The following HSPG2 variants were observed in gnomAD, a reference collection of about 807,000 sequenced individuals.
HSPG2 encodes the protein heparan sulfate proteoglycan 2, also known as basement membrane-specific heparan sulfate proteoglycan core protein.
In HSPG2, 278 loss-of-function variants were observed where a neutral mutation model predicts 526.6. That is an observed-to-expected ratio of 0.53 (90% CI 0.48 to 0.58). HSPG2 has a LOEUF of 0.58. Among genes scored for constraint, HSPG2 ranks in the 20% least tolerant of loss-of-function variants. HSPG2 has a pLI of 0.00. For synonymous variants in HSPG2, 2,465 were observed against 2,555.4 expected (o/e 0.96, Z 1.07); for missense variants, 5,354 against 6,099.5 (o/e 0.88, Z 4.07).
At chr1:21,852,256 G>GA (rs781560130) in intron 52 of HSPG2, 23 bp from the exon 53 acceptor site, 2 of 1,613,630 alleles carry the variant, frequency 1.2e-6, no homozygotes, top group Non-Finnish European at 1.7e-6. Context: ...GGATGGGAGT[G>GA]AGAGTTGTAG....
At chr1:21,844,335 C>T in intron 64 of HSPG2, 36 bp from the exon 65 acceptor site, 3 of 1,594,772 alleles carry the variant, frequency 1.9e-6, no homozygotes, top group Non-Finnish European at 2.6e-6. Context: ...AGCTGAGATG[C>T]CACCCTGATG....
chr1:21,876,159 C>G, intron 23 of HSPG2, 70 bp downstream of exon 23: 1 of 1,564,418 alleles, frequency 6.4e-7, no homozygotes, highest in Non-Finnish European at 8.7e-7. Context: ...ACGACCCTCC[C>G]GCCTCCAAGC....
chr1:21,832,002 G>C (rs2098006459), intron 81 of HSPG2, among the ~76,000 whole-genome samples: 1 of 152,060 alleles, frequency 6.6e-6, no homozygotes, highest in Non-Finnish European at 1.5e-5. Context: ...ACATCCTTTT[G>C]CTGGGAGCTT....
At chr1:21,919,300 C>A (rs1480059537) in intron 1 of HSPG2, among the ~76,000 whole-genome samples, 8 of 152,044 alleles carry the variant, frequency 5.3e-5, no homozygotes, top group Non-Finnish European at 1.0e-4. Context: ...GTGGTGTGCA[C>A]CTGTAATCCC....
chr1:21,891,185 C>T (rs1010498947), intron 3 of HSPG2, among the ~76,000 whole-genome samples: 3 of 152,226 alleles, frequency 2.0e-5, no homozygotes, highest in African/African-American at 7.2e-5. Flanking sequence ...GCCCTGCTTT[C>T]CCTAGCAGAG....
intron 67 of HSPG2, 84 bp from the exon 68 acceptor site, chr1:21,842,464 A>T: frequency 1.4e-6 from 2 of 1,435,506 alleles, no homozygotes; most frequent in Non-Finnish European, 1.8e-6. Flanking sequence ...CCGGTACCCA[A>T]GAGTTCTCTC....
chr1:21,884,759 G>C lies in HSPG2; in HGVS notation c.1507+8C>G. 2 of 1,613,216 alleles carry C rather than the reference G, an allele frequency of 1.2e-6. No homozygotes were observed. Among genetic ancestry groups the C allele is most frequent in the Middle Eastern group, 1.6e-4 (1 of 6,062 alleles). On this transcript the variant is annotated splice_region_variant and intron_variant, in intron 12 of 96. Transcript: ENST00000374695. ...CCACACCCGGTGACACCTGCCCTCC[G>C]GCAGTACCTCGTTGTGGGACGAGCT... is the stretch of plus-strand genomic sequence containing the variant.
chr1:21,934,360 A>G (rs1644425793), intron 1 of HSPG2, among the ~76,000 whole-genome samples: 1 of 152,220 alleles, frequency 6.6e-6, no homozygotes, highest in East Asian at 1.9e-4. Context: ...TTGACTTGCA[A>G]CAAACTCCTC....
Position 21,872,590 on chromosome 1 carries a change from C to T in HSPG2, c.4029+30G>A, listed in dbSNP as rs376266490. Reference sequence around the variant, plus strand: ...AGTAACAGGCAGCAGGTGGCAACACCGCCTGGGGCTGGGCAGCACAGGCTC... The same window carrying T: ...AGTAACAGGCAGCAGGTGGCAACACTGCCTGGGGCTGGGCAGCACAGGCTC... On this transcript the variant is annotated intron_variant, in intron 32 of 96. Transcript: ENST00000374695. The surrounding 1 kb of genome is among the most constrained non-coding windows in gnomAD (Gnocchi z 5.5). 7.0e-6 allele frequency: 11 copies of T among 1,567,364 alleles called. No individual in the cohort carries two copies. Among genetic ancestry groups the T allele is most frequent in the South Asian group, 1.2e-5 (1 of 85,304 alleles).
At chr1:21,836,712 T>A in intron 75 of HSPG2, 90 bp downstream of exon 75, 1 of 1,122,744 alleles carries the variant, frequency 8.9e-7, no homozygotes, top group Non-Finnish European at 1.3e-6. Flanking sequence ...TGCTTCATGT[T>A]GCGCCCCCTG....
chr1:21,839,263 G>T lies in HSPG2; in HGVS notation c.9889+108C>A. 2 of 1,470,758 alleles carry T rather than the reference G, an allele frequency of 1.4e-6. No individual in the cohort carries two copies. Among genetic ancestry groups the T allele is most frequent in the Non-Finnish European group, 1.9e-6 (2 of 1,064,644 alleles). 91.1% of individuals were successfully genotyped at this position (1,470,758 alleles called of 1,614,324 possible). On this transcript the variant is annotated intron_variant, in intron 73 of 96. Transcript: ENST00000374695. This position sits in a 1 kb window ranked among gnomAD's most constrained non-coding sequence, Gnocchi z 4.5. ...GCAGGGCAGGCTCCAGGACCCTGCA[G>T]CGCCTGGAGACCTCTGGATGGGGTT...
intron 1 of HSPG2, among the ~76,000 whole-genome samples, chr1:21,909,567 C>T (rs1643554914): frequency 1.3e-5 from 2 of 152,378 alleles, no homozygotes; most frequent in South Asian, 4.1e-4. Flanking sequence ...GTCTGGCACC[C>T]TTCTCTGCCT....
Position 21,850,173 on chromosome 1 carries a change from C to G in HSPG2, c.7314G>C (p.Thr2438=). Residue 2438 remains threonine, a synonymous_variant, in exon 57 of 97, where the codon ACG becomes ACC. Coordinates refer to ENST00000374695, the MANE Select transcript of HSPG2 (RefSeq NM_005529.7). ...GSVPALGVTP[T]VRIESSSSQV... The stretch of plus-strand genomic sequence containing the variant: ...GCGAAGACGATGACTCGATCCGGAC[C>G]GTGGGGGTGACCCCAAGTGCTGGGG... 1 of 1,613,364 alleles carries G rather than the reference C, an allele frequency of 6.2e-7. No homozygotes were observed. The highest frequency in any genetic ancestry group is 8.5e-7 in the Non-Finnish European group (1 of 1,180,046).
rs555258209 is a variant in HSPG2, at chr1:21,859,891, T to C, written c.5126A>G (p.Tyr1709Cys). 14 of 1,610,992 alleles carry C rather than the reference T, an allele frequency of 8.7e-6. No homozygotes were observed. Among genetic ancestry groups the C allele is most frequent in the South Asian group, 5.5e-5 (5 of 90,210 alleles). ...AGGCCGCCCATCCTCACGGGACCAA[T>C]AGAAGTAGTGGGGTGGGCTCCCACT... ...QVSGSPPHYF[Y>C]WSREDGRPVP... The change falls in exon 41 of 97, where the codon TAT becomes TGT. Residue 1709 changes from tyrosine (Y) to cysteine (C), a missense_variant. Transcript: ENST00000374695. The surrounding 1 kb of genome is among the most constrained non-coding windows in gnomAD (Gnocchi z 5.3).
rs770455074 is a variant in HSPG2 at position 21,884,662 on chromosome 1, T to C, written c.1520A>G (p.Asp507Gly). ...ELVPQRGPCP[D>G]GHFYLEHSAA... is the part of the protein sequence containing the mutation. ...GCTGTGCTCCAGGTAGAAGTGGCCG[T>C]CAGGGCAGGGGCCTGCTGGGCGGCA... The change falls in exon 13 of 97, where the codon GAC becomes GGC. Residue 507 changes from aspartate to glycine, a missense_variant. Transcript: ENST00000374695. 3.1e-6 allele frequency: 5 copies of C among 1,611,894 alleles called. No individual in the cohort carries two copies. The African/African-American group carries it at 6.7e-5, about 22-fold the overall frequency.
chr1:21,842,671 C>A, intron 67 of HSPG2, 99 bp downstream of exon 67: 1 of 1,509,340 alleles, frequency 6.6e-7, no homozygotes, highest in South Asian at 1.1e-5. Flanking sequence ...CCCCTGGGGT[C>A]CCCAAGCAGG....
intron 69 of HSPG2, 93 bp from the exon 70 acceptor site, chr1:21,841,766 CA>C (rs2098049502): frequency 9.9e-6 from 15 of 1,519,096 alleles, no homozygotes; most frequent in Middle Eastern, 2.2e-4. Flanking sequence ...CCCACTTCCC[CA>C]ATCCCTCCGG....
At position 21,850,637 on chromosome 1, in the gene HSPG2, G is replaced by A. The variant is rs1022760271; in HGVS notation, c.7159-139C>T. The A allele has an allele frequency of 4.4e-5, 45 of 1,014,434 alleles. 1 individual carries two copies. In the African/African-American group the frequency reaches 7.1e-4, roughly 16 times the overall value. 62.8% of individuals were successfully genotyped at this position (1,014,434 alleles called of 1,614,324 possible). A position where few individuals can be genotyped will look rare whatever the true frequency, so the allele number is the denominator to read the frequency against. On this transcript the variant is annotated intron_variant, in intron 55 of 96. Transcript: ENST00000374695. ...TCCCTGTCCTTCACATGGGGAAGGG[G>A]GACTCTTGTCCAGCAGCGGGGTGGT...
At chr1:21,852,331 G>A in intron 52 of HSPG2, 98 bp from the exon 53 acceptor site, 1 of 1,457,768 alleles carries the variant, frequency 6.9e-7, no homozygotes, top group Non-Finnish European at 9.5e-7. Flanking sequence ...GGGTTTCAAG[G>A]CCAGATCCAG....
Sources: allele counts gnomAD v4.1 joint callset (sites outside exome capture counted in the v4.1 genomes callset), GRCh38; gene constraint gnomAD v4.1.1; non-coding constraint Gnocchi (gnomAD v3.1); transcripts MANE v1.5; gene names NCBI Gene and HGNC (gene_info 2026-07-23, HGNC 2026-07-21).